Variants in ARHGEF11 observed in about 807,000 individuals in gnomAD.
ARHGEF11 encodes Rho guanine exchange factor (GEF) 11.
In ARHGEF11, 55 loss-of-function variants were observed where a neutral mutation model predicts 193.7. That is an observed-to-expected ratio of 0.28 (90% CI 0.23 to 0.36). The LOEUF is 0.36. Ranked by LOEUF, ARHGEF11 falls within the 10% of genes least tolerant of loss-of-function variation. The pLI is 1.00. For missense variants in ARHGEF11, 1,723 were observed against 2,005.6 expected (o/e 0.86, Z 2.69); for synonymous variants, 693 against 768.0 (o/e 0.90, Z 1.62).
intron 1 of ARHGEF11, among the ~76,000 whole-genome samples, chr1:157,036,184 AATACATATATGAATATATATAC>A (rs1672012610): frequency 6.9e-5 from 9 of 130,406 alleles, no homozygotes; most frequent in Admixed American, 3.3e-4. Context: ...TACATATATG[AATACATATATGAATATATATAC>A]ATATATATAT....
At chr1:157,012,860 T>C (rs1409929967) in intron 1 of ARHGEF11, among the ~76,000 whole-genome samples, 1 of 152,228 alleles carries the variant, frequency 6.6e-6, no homozygotes, top group African/African-American at 2.4e-5. Flanking sequence ...TCATCATTTC[T>C]TGGCCATTCA....
chr1:156,941,842 T>A, intron 34 of ARHGEF11, 22 bp downstream of exon 34: 4 of 1,592,512 alleles, frequency 2.5e-6, no homozygotes, highest in Non-Finnish European at 3.4e-6. Context: ...GAGTGCAGGG[T>A]CTGGAGGGCT....
At chr1:156,993,773 A>T (rs1304494745) in intron 1 of ARHGEF11, among the ~76,000 whole-genome samples, 1 of 152,204 alleles carries the variant, frequency 6.6e-6, no homozygotes. Flanking sequence ...AGACCTGCAC[A>T]TCCCTACAGT....
intron 1 of ARHGEF11, among the ~76,000 whole-genome samples, chr1:157,001,126 T>C (rs1410225184): frequency 6.6e-6 from 1 of 152,210 alleles, no homozygotes; most frequent in Non-Finnish European, 1.5e-5. Flanking sequence ...TGACTTATGC[T>C]ATCATCACAG....
rs1241216793 is a variant in ARHGEF11 at position 156,948,349 on chromosome 1, G to A, written c.2075C>T (p.Ala692Val). The A allele has an allele frequency of 2.3e-5, 37 of 1,614,074 alleles. No homozygotes were observed. Among genetic ancestry groups the A allele is most frequent in the Non-Finnish European group, 3.1e-5 (36 of 1,180,038 alleles). Residue 692 changes from alanine to valine, a missense_variant, in exon 23 of 41, where the codon GCC becomes GTC. Transcript: ENST00000368194. This position sits in a 1 kb window ranked among gnomAD's most constrained non-coding sequence, Gnocchi z 4.2. ...AAEATRLHQSASSSTSSLSTR... is the reference protein window; with the variant it reads ...AAEATRLHQSVSSSTSSLSTR... ...GGAGAGGCTGGAGGTAGAGGACGAG[G>A]CTGACTGGTGCAGGCGAGTAGCCTC...
chr1:156,996,142 A>G (rs1666452957), intron 1 of ARHGEF11, among the ~76,000 whole-genome samples: 1 of 152,192 alleles, frequency 6.6e-6, no homozygotes, highest in African/African-American at 2.4e-5. Flanking sequence ...TAGCCTCTCT[A>G]TGGACTTAGG....
At position 156,968,969 on chromosome 1, in the gene ARHGEF11, T is replaced by C. The variant is rs56840124; in HGVS notation, c.825+313A>G. On this transcript the variant is annotated intron_variant, in intron 10 of 40. Coordinates refer to ENST00000368194, the MANE Select transcript of ARHGEF11 (RefSeq NM_198236.3). ...TATGTTTTTGGTCAAGTCACTGTTTTAGATTATTTCGTCTCTGCTCCCTCA... is the reference window on the plus strand; with the variant it reads ...TATGTTTTTGGTCAAGTCACTGTTTCAGATTATTTCGTCTCTGCTCCCTCA... Among the ~76,000 whole-genome samples, 6 of 152,364 alleles carry C rather than the reference T, an allele frequency of 3.9e-5. No individual in the cohort carries two copies. In the East Asian group the frequency reaches 1.2e-3, roughly 29 times the overall value.
At chr1:156,952,376 C>T (rs569815518) in intron 21 of ARHGEF11, among the ~76,000 whole-genome samples, 11 of 152,304 alleles carry the variant, frequency 7.2e-5, no homozygotes, top group African/African-American at 2.6e-4. Context: ...ATGCCAACTA[C>T]AGCCCCTGGA....
chr1:156,943,899 G>A (rs775879744), intron 32 of ARHGEF11, 36 bp downstream of exon 32: 65 of 1,584,662 alleles, frequency 4.1e-5, no homozygotes, highest in Non-Finnish European at 5.4e-5. Context: ...CATGGTCCCT[G>A]AGCCCCAGGC....
chr1:156,960,469 CAG>C lies in ARHGEF11; in HGVS notation c.1240-11_1240-10del. 1 of 1,614,066 alleles carries C rather than the reference CAG, an allele frequency of 6.2e-7. No homozygotes were observed. The highest frequency in any genetic ancestry group is 8.5e-7 in the Non-Finnish European group (1 of 1,179,998). On this transcript the variant is annotated splice_polypyrimidine_tract_variant and intron_variant, in intron 14 of 40. Coordinates refer to ENST00000368194, the MANE Select transcript of ARHGEF11 (RefSeq NM_198236.3). ...ATCTTCACTCTCAGAGGCTAAAAAA[CAG>C]AAGTGTGGAGCAGAAGCAGTCAGGT...
chr1:156,945,587 A>G (rs1365681600), intron 29 of ARHGEF11: 1 of 250,298 alleles, frequency 4.0e-6, no homozygotes. Context: ...GGGGGTAGTG[A>G]AAGATGCCCA....
intron 1 of ARHGEF11, among the ~76,000 whole-genome samples, chr1:157,019,647 T>A (rs1669712521): frequency 6.6e-6 from 1 of 152,102 alleles, no homozygotes; most frequent in African/African-American, 2.4e-5. Flanking sequence ...GATACACAAA[T>A]TACTCATAAA....
chr1:157,044,192 A>G (rs2103128488), intron 1 of ARHGEF11, 107 bp downstream of exon 1: 2 of 1,069,076 alleles, frequency 1.9e-6, no homozygotes, highest in Non-Finnish European at 2.9e-6. Flanking sequence ...ACCAATTCCC[A>G]TAGCCCACCC....
At chr1:157,009,808 T>C (rs1320332263) in intron 1 of ARHGEF11, among the ~76,000 whole-genome samples, 1 of 152,216 alleles carries the variant, frequency 6.6e-6, no homozygotes, top group South Asian at 2.1e-4. Context: ...GTAATCTTAT[T>C]ATTTGCCACT....
chr1:156,993,417 T>A (rs1666052880), intron 1 of ARHGEF11, among the ~76,000 whole-genome samples: 1 of 152,146 alleles, frequency 6.6e-6, no homozygotes, highest in African/African-American at 2.4e-5. Flanking sequence ...TATATGTATA[T>A]AAATACATAA....
intron 1 of ARHGEF11, among the ~76,000 whole-genome samples, chr1:157,009,460 T>TA (rs1178228150): frequency 6.6e-6 from 1 of 152,106 alleles, no homozygotes; most frequent in Admixed American, 6.5e-5. Flanking sequence ...AATGTACAAA[T>TA]AAGAGAAGTT....
chr1:156,990,365 G>C (rs1312144766), intron 1 of ARHGEF11, among the ~76,000 whole-genome samples: 1 of 152,072 alleles, frequency 6.6e-6, no homozygotes, highest in African/African-American at 2.4e-5. Context: ...AGGTAAAGTG[G>C]TATTCCTGAG....
At position 156,980,844 on chromosome 1, in the gene ARHGEF11, GGGGAA is replaced by G. The variant is rs1044455516; in HGVS notation, c.224-363_224-359del. 8.1e-5 allele frequency among the ~76,000 whole-genome samples: 9 copies of G among 111,478 alleles called. 1 individual carries two copies. Among genetic ancestry groups the G allele is most frequent in the African/African-American group, 1.8e-4 (5 of 28,272 alleles). 73.1% of individuals were successfully genotyped at this position (111,478 alleles called of 152,430 possible). ...AATCAGTTATATTCCGGGGGGGGGG[GGGGAA>G]ATGAGTTTACTGTATGAAACATAAT... On this transcript the variant is annotated intron_variant, in intron 3 of 40. Transcript: ENST00000368194.
chr1:157,030,941 C>T (rs1197195249), intron 1 of ARHGEF11, among the ~76,000 whole-genome samples: 2 of 151,672 alleles, frequency 1.3e-5, no homozygotes, highest in South Asian at 2.1e-4. Context: ...ATTATGCCCC[C>T]GCCCCCGCCC....
Sources: gnomAD v4.1 joint callset for allele counts (sites outside exome capture counted in the v4.1 genomes callset) on GRCh38, gnomAD v4.1.1 for gene constraint, Gnocchi (gnomAD v3.1) non-coding constraint, MANE v1.5 for transcripts, NCBI Gene and HGNC (gene_info 2026-07-23, HGNC 2026-07-21) for gene names.